TMEM98: variants seen among roughly 807,000 people sequenced by gnomAD.
TMEM98 encodes the protein transmembrane protein 98.
A neutral mutation model predicts 25.0 loss-of-function variants in TMEM98; 18 were observed. The ratio of observed to expected loss-of-function variants is 0.72; its 90% CI spans 0.50 to 1.07. The LOEUF (loss-of-function observed/expected upper bound fraction) is 1.07, where lower values mean the gene tolerates loss of function less well. TMEM98 is among the 50% of genes least tolerant of loss of function. TMEM98 has a pLI of 0.00. For synonymous variants in TMEM98, 103 were observed against 112.4 expected (o/e 0.92, Z 0.53); for missense variants, 241 against 289.0 (o/e 0.83, Z 1.20).
At chr17:32,940,093 C>G (rs1479425970) in intron 7 of TMEM98, among the ~76,000 whole-genome samples, 1 of 152,240 alleles carries the variant, frequency 6.6e-6, no homozygotes, top group African/African-American at 2.4e-5. Flanking sequence ...GTGTCATACA[C>G]ATGTAACAGT....
At chr17:32,930,036 C>T (rs546739465) in intron 1 of TMEM98, among the ~76,000 whole-genome samples, 1 of 151,920 alleles carries the variant, frequency 6.6e-6, no homozygotes, top group East Asian at 1.9e-4. Flanking sequence ...GAATGGTGAC[C>T]GAGAGCGTTT....
chr17:32,938,265 A>G (rs1481314679), intron 6 of TMEM98, among the ~76,000 whole-genome samples: 2 of 151,880 alleles, frequency 1.3e-5, no homozygotes, highest in Admixed American at 6.6e-5. Context: ...TTCCTGCTCC[A>G]TTTATCCCAC....
At chr17:32,937,494 C>T (rs2091502945) in intron 6 of TMEM98, among the ~76,000 whole-genome samples, 1 of 152,170 alleles carries the variant, frequency 6.6e-6, no homozygotes, top group South Asian at 2.1e-4. Context: ...CTGGAATTGC[C>T]TCCAGTGGGC....
intron 1 of TMEM98, among the ~76,000 whole-genome samples, chr17:32,929,051 C>G (rs2091450363): frequency 2.1e-5 from 3 of 145,914 alleles, no homozygotes. Context: ...AAACATTCAG[C>G]TCACACACAC....
intron 3 of TMEM98, 126 bp downstream of exon 3, chr17:32,931,785 G>A: frequency 8.0e-7 from 1 of 1,254,520 alleles, no homozygotes; most frequent in Non-Finnish European, 1.1e-6. Flanking sequence ...ACCTGCAGGT[G>A]TCCTTCCCTG....
chr17:32,940,945 A>T lies in TMEM98; in HGVS notation c.633A>T (p.Lys211Asn). Residue 211 changes from lysine (K) to asparagine (N), a missense_variant, in exon 8 of 8, where the codon AAA (lysine) becomes AAT (asparagine). Physicochemically the swap from Lys to Asn is moderately conservative, Grantham distance 94 (BLOSUM62 0). Transcript: ENST00000579849. ...REAALASEPDKGLPGPEGFLQ... is the reference protein window; with the variant it reads ...REAALASEPDNGLPGPEGFLQ... ...CAGCCCTAGCTTCTGAGCCAGATAA[A>T]GGCCTCCCAGGCCCTGAAGGCTTCC... 1 of 1,613,702 alleles carries T rather than the reference A, an allele frequency of 6.2e-7. No homozygotes were observed. Among genetic ancestry groups the T allele is most frequent in the Middle Eastern group, 1.7e-4 (1 of 5,778 alleles).
intron 2 of TMEM98, 22 bp from the exon 3 acceptor site, chr17:32,931,453 T>C (rs2091468741): frequency 4.5e-6 from 7 of 1,549,250 alleles, no homozygotes; most frequent in Middle Eastern, 2.3e-4. Context: ...CCAGATCTGC[T>C]CTGACTTCAT....
chr17:32,933,086 C>A, intron 3 of TMEM98, 88 bp from the exon 4 acceptor site: 1 of 1,548,966 alleles, frequency 6.5e-7, no homozygotes, highest in Non-Finnish European at 8.7e-7. Context: ...TCCCTTACTT[C>A]TTTTATGGTG....
At position 32,931,475 on chromosome 17, in the gene TMEM98, C is replaced by CTAA. The variant is rs2091468826; in HGVS notation, c.-53_-52insAAT. The stretch of plus-strand genomic sequence containing the variant: ...TGCTCTGACTTCATGTTCTCTCAAG[C>CTAA]TTTAGCCCATGAGGAGGATGTGACC... On this transcript the variant is annotated splice_region_variant and 5_prime_UTR_variant, in exon 3 of 8. Coordinates refer to ENST00000579849, the MANE Select transcript of TMEM98 (RefSeq NM_015544.3). 1 of 1,582,698 alleles carries CTAA rather than the reference C, an allele frequency of 6.3e-7. No individual in the cohort carries two copies. Among genetic ancestry groups the CTAA allele is most frequent in the Non-Finnish European group, 8.6e-7 (1 of 1,163,868 alleles).
At chr17:32,936,233 G>A (rs1173283602) in intron 5 of TMEM98, 99 bp from the exon 6 acceptor site, 2 of 916,488 alleles carry the variant, frequency 2.2e-6, no homozygotes, top group East Asian at 4.9e-5. Flanking sequence ...GGGGCCAGCT[G>A]CGATGGAACT....
rs1350202016 is a variant in TMEM98 at position 32,936,402 on chromosome 17, C to T, written c.368C>T (p.Ala123Val). The T allele has an allele frequency of 1.2e-6, 2 of 1,614,100 alleles. No homozygotes were observed. Among genetic ancestry groups the T allele is most frequent in the African/African-American group, 1.3e-5 (1 of 74,940 alleles). Residue 123 changes from alanine to valine, a missense_variant, in exon 6 of 8, where the codon GCC becomes GTC. Transcript: ENST00000579849. ...MGSGAKMKTS[A>V]SVSDIIVVAK... ...TCTGGGGCCAAGATGAAGACTTCAG[C>T]CAGTGTCAGCGACATCATTGTGGTG...
At chr17:32,934,479 C>A (rs549161703) in intron 5 of TMEM98, 155 bp downstream of exon 5, 40 of 718,226 alleles carry the variant, frequency 5.6e-5, no homozygotes, top group East Asian at 3.3e-4. Flanking sequence ...TACTTCCCCC[C>A]CTGCCTGGAC....
At chr17:32,939,296 A>G (rs1048962443) in intron 6 of TMEM98, among the ~76,000 whole-genome samples, 181 bp from the exon 7 acceptor site, 1 of 152,146 alleles carries the variant, frequency 6.6e-6, no homozygotes, top group Non-Finnish European at 1.5e-5. Context: ...AATCCCAGCT[A>G]CTTGGGAAGC....
In TMEM98 at chr17:32,933,206, C is replaced by T. The variant is rs1345889002; in HGVS notation, c.164C>T (p.Thr55Ile). 5.0e-6 allele frequency: 8 copies of T among 1,614,192 alleles called. No individual in the cohort carries two copies. Among genetic ancestry groups the T allele is most frequent in the Non-Finnish European group, 6.8e-6 (8 of 1,180,014 alleles). The change falls in exon 4 of 8, where the codon ACC becomes ATC. Residue 55 changes from threonine (T) to isoleucine (I), a missense_variant. By Grantham distance (89) the Thr-to-Ile change is moderately conservative. Coordinates refer to ENST00000579849, the MANE Select transcript of TMEM98 (RefSeq NM_015544.3). ...GTGGACCTCATTGGTGCCATGGAGA[C>T]CCAGTCTGAGCCCTCTGAGTTAGAA... ...PIVDLIGAME[T>I]QSEPSELELD...
Position 32,937,277 on chromosome 17 carries a change from C to G in TMEM98, c.413+830C>G, listed in dbSNP as rs29005. 4.6e-5 allele frequency among the ~76,000 whole-genome samples: 7 copies of G among 152,282 alleles called. No individual in the cohort carries two copies. The South Asian group carries it at 1.5e-3, about 32-fold the overall frequency. On this transcript the variant is annotated intron_variant, in intron 6 of 7. Transcript: ENST00000579849. ...CCACACGTTCCTTGTTGCCATGGCC[C>G]CAGGTAAATCACGAGGAACCAGCCC...
At chr17:32,928,452 C>G (rs868163054) in intron 1 of TMEM98, among the ~76,000 whole-genome samples, 2 of 147,862 alleles carry the variant, frequency 1.4e-5, no homozygotes, top group African/African-American at 2.6e-5. Flanking sequence ...GGCTGGGGGT[C>G]CCTCCCTCCC....
intron 3 of TMEM98, 122 bp downstream of exon 3, chr17:32,931,781 A>G: frequency 7.6e-7 from 1 of 1,312,012 alleles, no homozygotes; most frequent in Non-Finnish European, 1.0e-6. Flanking sequence ...TGGTACCTGC[A>G]GGTGTCCTTC....
intron 6 of TMEM98, among the ~76,000 whole-genome samples, chr17:32,938,180 T>G (rs1249562186): frequency 2.0e-5 from 3 of 152,206 alleles, no homozygotes; most frequent in African/African-American, 7.2e-5. Context: ...GTGCCATAAT[T>G]CAGCCAGGGT....
At chr17:32,938,578 G>A (rs2091510278) in intron 6 of TMEM98, among the ~76,000 whole-genome samples, 1 of 152,218 alleles carries the variant, frequency 6.6e-6, no homozygotes, top group South Asian at 2.1e-4. Flanking sequence ...ATTAACCACA[G>A]GGTAGAAGAA....
Sources: gnomAD v4.1 joint callset for allele counts (sites outside exome capture counted in the v4.1 genomes callset) on GRCh38, gnomAD v4.1.1 for gene constraint, MANE v1.5 for transcripts, NCBI Gene and HGNC (gene_info 2026-07-23, HGNC 2026-07-21) for gene names.